The following FAM13A variants were observed in gnomAD, a reference collection of about 807,000 sequenced individuals.
FAM13A encodes the protein protein FAM13A.
FAM13A carries 76 observed loss-of-function variants against 129.6 expected under a neutral mutation model. The ratio of observed to expected loss-of-function variants is 0.59; its 90% confidence interval spans 0.49 to 0.71. FAM13A has a LOEUF of 0.71. Among genes scored for constraint, FAM13A ranks in the 30% least tolerant of loss-of-function variants. The pLI is 0.00. For missense variants in FAM13A, 1,108 were observed against 1,249.3 expected (o/e 0.89, Z 1.70); for synonymous variants, 443 against 449.9 (o/e 0.98, Z 0.20).
chr4:88,783,409 C>T (rs28776248), intron 10 of FAM13A, among the ~76,000 whole-genome samples: 14,861 of 152,088 alleles, frequency 0.098, 979 homozygotes, highest in African/African-American at 0.18. Flanking sequence ...AAGCAATTCT[C>T]CTGCCTCAGC....
intron 21 of FAM13A, among the ~76,000 whole-genome samples, chr4:88,732,942 C>G (rs188228699): frequency 6.6e-6 from 1 of 151,398 alleles, no homozygotes; most frequent in Non-Finnish European, 1.5e-5. Flanking sequence ...CAATTTAAGG[C>G]TATGTAAGCC....
At chr4:88,933,823 T>C (rs1489694692) in intron 5 of FAM13A, among the ~76,000 whole-genome samples, 4 of 152,180 alleles carry the variant, frequency 2.6e-5, no homozygotes, top group African/African-American at 9.7e-5. Flanking sequence ...TAGTAATCTT[T>C]TTAATACAGA....
intron 1 of FAM13A, among the ~76,000 whole-genome samples, chr4:89,042,857 A>G (rs947091856): frequency 3.3e-5 from 5 of 152,228 alleles, no homozygotes; most frequent in African/African-American, 1.2e-4. Context: ...ATTTATTCAA[A>G]TTAGACTAAA....
chr4:88,737,426 G>A, intron 21 of FAM13A, 46 bp downstream of exon 21: 1 of 1,517,914 alleles, frequency 6.6e-7, no homozygotes, highest in Non-Finnish European at 9.2e-7. Context: ...GAGGAGGGAG[G>A]GAACTGGTGC....
intron 3 of FAM13A, among the ~76,000 whole-genome samples, chr4:89,006,266 T>C (rs1005078488): frequency 2.0e-5 from 3 of 152,260 alleles, no homozygotes; most frequent in African/African-American, 4.8e-5. Flanking sequence ...CATTGGTCTA[T>C]GTGCCTTCCA....
At chr4:89,053,514 G>A (rs1474007404) in intron 1 of FAM13A, among the ~76,000 whole-genome samples, 2 of 152,040 alleles carry the variant, frequency 1.3e-5, no homozygotes, top group Non-Finnish European at 2.9e-5. Flanking sequence ...TCTGTAACGC[G>A]ACTGTACGTT....
intron 8 of FAM13A, among the ~76,000 whole-genome samples, chr4:88,796,219 G>T (rs1407729122): frequency 1.3e-5 from 2 of 151,552 alleles, no homozygotes; most frequent in Non-Finnish European, 3.0e-5. Flanking sequence ...TTTCTTAACA[G>T]TATGCACTTG....
intron 7 of FAM13A, among the ~76,000 whole-genome samples, chr4:88,839,190 T>C (rs1316396377): frequency 1.3e-5 from 2 of 152,228 alleles, no homozygotes; most frequent in Non-Finnish European, 2.9e-5. Flanking sequence ...ATAACATATA[T>C]ACCCATATTG....
At chr4:88,973,131 A>ATT (rs70959640) in intron 4 of FAM13A, among the ~76,000 whole-genome samples, 54,255 of 134,126 alleles carry the variant, frequency 0.4, 11,060 homozygotes, top group African/African-American at 0.45. Context: ...CCTAGGCATA[A>ATT]TTTTTTTTTT....
chr4:88,822,439 C>T (rs1368466141), intron 7 of FAM13A, among the ~76,000 whole-genome samples: 1 of 152,120 alleles, frequency 6.6e-6, no homozygotes, highest in African/African-American at 2.4e-5. Context: ...TTAAAAAATG[C>T]TATTTGTGTA....
At chr4:88,753,962 A>G (rs550943509) in intron 14 of FAM13A, among the ~76,000 whole-genome samples, 91 of 152,334 alleles carry the variant, frequency 6.0e-4, no homozygotes, top group African/African-American at 1.9e-3. Context: ...TATTTTAACT[A>G]GCAATTCTAG....
chr4:88,879,484 T>C (rs143527220), intron 6 of FAM13A, among the ~76,000 whole-genome samples: 84 of 152,094 alleles, frequency 5.5e-4, no homozygotes, highest in African/African-American at 2.0e-3. Context: ...CTTTCTTACC[T>C]ATTAAAAAAA....
chr4:88,942,419 T>A (rs1754924096), intron 4 of FAM13A, among the ~76,000 whole-genome samples: 1 of 151,464 alleles, frequency 6.6e-6, no homozygotes, highest in African/African-American at 2.4e-5. Context: ...ATACAAACAT[T>A]AGCCGGGTGT....
At chr4:88,921,490 C>G (rs1445685108) in intron 5 of FAM13A, among the ~76,000 whole-genome samples, 1 of 152,052 alleles carries the variant, frequency 6.6e-6, no homozygotes. Context: ...CCTTTACAGA[C>G]AAGCAAATGT....
At position 88,783,293 on chromosome 4, in the gene FAM13A, T is replaced by G. The variant is rs535645251; in HGVS notation, c.1272-1942A>C. 3.9e-5 allele frequency among the ~76,000 whole-genome samples: 6 copies of G among 152,194 alleles called. No homozygotes were observed. The South Asian group carries it at 1.2e-3, about 32-fold the overall frequency. On this transcript the variant is annotated intron_variant, in intron 10 of 23. Transcript: ENST00000264344. ...GTCCACTTATAACTTTTTTTTTCACTTTTATTTTTATTTATTTATTTTTTG... is the reference window on the plus strand; with the variant it reads ...GTCCACTTATAACTTTTTTTTTCACGTTTATTTTTATTTATTTATTTTTTG...
intron 17 of FAM13A, among the ~76,000 whole-genome samples, chr4:88,748,538 T>C (rs1741872752): frequency 6.6e-6 from 1 of 152,212 alleles, no homozygotes; most frequent in South Asian, 2.1e-4. Context: ...TTGTATTCTA[T>C]TTAGTTGTTT....
At chr4:88,957,151 T>A (rs972758560) in intron 4 of FAM13A, among the ~76,000 whole-genome samples, 9 of 152,066 alleles carry the variant, frequency 5.9e-5, no homozygotes, top group Non-Finnish European at 1.0e-4. Flanking sequence ...CATGGTGAAA[T>A]GCCATCTCTA....
chr4:88,849,537 T>A (rs1403472751), intron 7 of FAM13A, among the ~76,000 whole-genome samples: 1 of 152,216 alleles, frequency 6.6e-6, no homozygotes, highest in Non-Finnish European at 1.5e-5. Flanking sequence ...CAGAACAAAC[T>A]TTCCCTGACT....
At chr4:88,761,916 AGTC>A (rs1347092603) in intron 13 of FAM13A, among the ~76,000 whole-genome samples, 6 of 152,192 alleles carry the variant, frequency 3.9e-5, no homozygotes, top group South Asian at 2.1e-4. Flanking sequence ...TGTCATAATG[AGTC>A]TTACAGAGAA....
Sources: allele counts gnomAD v4.1 joint callset (sites outside exome capture counted in the v4.1 genomes callset), GRCh38; gene constraint gnomAD v4.1.1; transcripts MANE v1.5; gene names NCBI Gene and HGNC (gene_info 2026-07-23, HGNC 2026-07-21).